Variants in LNPK observed in about 807,000 individuals in gnomAD.
LNPK encodes the protein endoplasmic reticulum junction formation protein lunapark.
Under a neutral mutation model 55.2 loss-of-function variants are expected in LNPK, and 29 were observed. That is an observed-to-expected ratio of 0.53 (90% CI 0.39 to 0.72). LNPK has a LOEUF of 0.72. Ranked by LOEUF, LNPK falls within the 30% of genes least tolerant of loss-of-function variation. The pLI is 0.00. For synonymous variants in LNPK, 162 were observed against 168.2 expected (o/e 0.96, Z 0.29); for missense variants, 467 against 494.8 (o/e 0.94, Z 0.53).
At chr2:175,967,208 T>G (rs946189202) in intron 6 of LNPK, among the ~76,000 whole-genome samples, 5 of 152,196 alleles carry the variant, frequency 3.3e-5, no homozygotes, top group African/African-American at 1.2e-4. Flanking sequence ...TGTTAAAGAA[T>G]GAATCATTTT....
At chr2:175,936,419 T>G (rs1335365710) in intron 12 of LNPK, among the ~76,000 whole-genome samples, 1 of 152,234 alleles carries the variant, frequency 6.6e-6, no homozygotes, top group Non-Finnish European at 1.5e-5. Context: ...AATGTTTTTA[T>G]GAAGAAAATA....
Position 175,939,461 on chromosome 2 carries a change from T to C in LNPK, c.812+91A>G, listed in dbSNP as rs548794597. ...TCCACTATGCTCTAAAGTCAGAAAA[T>C]AGGTGCCACAAAACTAAAACATCTA... On this transcript the variant is annotated intron_variant, in intron 10 of 12. Transcript: ENST00000272748. The C allele has an allele frequency of 8.9e-6, 5 of 564,220 alleles. No individual in the cohort carries two copies. In the South Asian group the frequency reaches 1.2e-4, roughly 13 times the overall value. 35.0% of individuals were successfully genotyped at this position (564,220 alleles called of 1,614,324 possible).
intron 1 of LNPK, 39 bp from the exon 2 acceptor site, chr2:175,995,685 A>T: frequency 1.1e-6 from 1 of 946,666 alleles, no homozygotes; most frequent in Non-Finnish European, 1.7e-6. Context: ...TAAGTTAAAC[A>T]CACAGCATAC....
At chr2:175,996,325 C>T (rs1206454840) in intron 1 of LNPK, among the ~76,000 whole-genome samples, 1 of 152,274 alleles carries the variant, frequency 6.6e-6, no homozygotes, top group East Asian at 1.9e-4. Context: ...TTTCTACTAT[C>T]CAGCTGTCTC....
chr2:175,984,028 A>C (rs546784628), intron 4 of LNPK, among the ~76,000 whole-genome samples: 20 of 152,188 alleles, frequency 1.3e-4, no homozygotes, highest in Admixed American at 4.6e-4. Context: ...TGACATGAAA[A>C]ACACAATTAA....
At chr2:175,969,679 C>T (rs1686561648) in intron 6 of LNPK, among the ~76,000 whole-genome samples, 1 of 152,180 alleles carries the variant, frequency 6.6e-6, no homozygotes, top group Non-Finnish European at 1.5e-5. Context: ...TCACTGACAC[C>T]ATCAGTATTT....
chr2:175,967,192 CGTTA>C (rs1686405859), intron 6 of LNPK, among the ~76,000 whole-genome samples: 1 of 151,978 alleles, frequency 6.6e-6, no homozygotes, highest in African/African-American at 2.4e-5. Context: ...CATCAGCTAT[CGTTA>C]GTGTTAAAGA....
chr2:175,929,895 T>A lies in LNPK; in HGVS notation c.*72A>T. The A allele has an allele frequency of 6.3e-7, 1 of 1,583,334 alleles. No individual in the cohort carries two copies. Among genetic ancestry groups the A allele is most frequent in the East Asian group, 2.3e-5 (1 of 44,420 alleles). On this transcript the variant is annotated 3_prime_UTR_variant, in exon 13 of 13. Transcript: ENST00000272748. ...CCCTTAGAGGGGCAAAAAAAGTAAGTGCCACCGAAAAAGCAATAACTGACA... is the reference window on the plus strand; with the variant it reads ...CCCTTAGAGGGGCAAAAAAAGTAAGAGCCACCGAAAAAGCAATAACTGACA...
chr2:175,976,253 C>T (rs1386576564), intron 5 of LNPK, among the ~76,000 whole-genome samples: 1 of 152,082 alleles, frequency 6.6e-6, no homozygotes, highest in African/African-American at 2.4e-5. Flanking sequence ...TAAAAACAGA[C>T]TAGTGAAGAA....
At chr2:175,980,342 G>C (rs1008630825) in intron 4 of LNPK, among the ~76,000 whole-genome samples, 16 of 152,128 alleles carry the variant, frequency 1.1e-4, no homozygotes, top group African/African-American at 3.6e-4. Context: ...TAGAGGGACA[G>C]TCTCTACTCT....
At chr2:176,000,398 G>C (rs888350990) in intron 1 of LNPK, among the ~76,000 whole-genome samples, 4 of 152,122 alleles carry the variant, frequency 2.6e-5, no homozygotes, top group East Asian at 1.9e-4. Context: ...CACAGTGTCC[G>C]ACACATAGTA....
chr2:175,962,941 A>G (rs1446154018), intron 8 of LNPK, among the ~76,000 whole-genome samples: 6 of 149,040 alleles, frequency 4.0e-5, no homozygotes, highest in African/African-American at 1.0e-4. Context: ...GCAGCCAAAA[A>G]ACACATGAAA....
chr2:175,982,768 A>C (rs1687232387), intron 4 of LNPK, among the ~76,000 whole-genome samples: 1 of 152,324 alleles, frequency 6.6e-6, no homozygotes, highest in South Asian at 2.1e-4. Context: ...ATCCCAACAA[A>C]GGTTTTGCTC....
intron 4 of LNPK, among the ~76,000 whole-genome samples, chr2:175,990,621 T>C (rs1687660182): frequency 6.6e-6 from 1 of 152,102 alleles, no homozygotes. Flanking sequence ...CATAAGAAAA[T>C]GTCCTGTGTT....
chr2:175,939,906 A>G lies in LNPK; in HGVS notation c.707-249T>C, dbSNP rs1301141932. On this transcript the variant is annotated intron_variant, in intron 9 of 12. Coordinates refer to ENST00000272748, the MANE Select transcript of LNPK (RefSeq NM_030650.3). ...AGTAGATTCTGTAGTAGATTCCTACATAACTACTAGCAAATAAAATTATGC... is the reference window on the plus strand; with the variant it reads ...AGTAGATTCTGTAGTAGATTCCTACGTAACTACTAGCAAATAAAATTATGC... 3.3e-5 allele frequency among the ~76,000 whole-genome samples: 5 copies of G among 152,162 alleles called. No individual in the cohort carries two copies. The East Asian group carries it at 7.7e-4, about 24-fold the overall frequency.
chr2:175,947,097 A>G (rs1187359937), intron 9 of LNPK, among the ~76,000 whole-genome samples: 3 of 152,208 alleles, frequency 2.0e-5, no homozygotes, highest in Non-Finnish European at 2.9e-5. Context: ...GTTTAAAAAT[A>G]TATGTATGGA....
intron 11 of LNPK, among the ~76,000 whole-genome samples, chr2:175,938,084 T>G (rs971110813): frequency 6.6e-6 from 1 of 152,150 alleles, no homozygotes; most frequent in African/African-American, 2.4e-5. Context: ...TTTGGGTGAT[T>G]GTGATGCACA....
At chr2:175,931,179 C>T (rs79896833) in intron 12 of LNPK, among the ~76,000 whole-genome samples, 1,929 of 152,092 alleles carry the variant, frequency 0.013, 13 homozygotes, top group Middle Eastern at 0.031. Context: ...ATGGCCAAAC[C>T]ATATCAGTTG....
Position 175,929,876 on chromosome 2 carries a change from GA to G in LNPK, c.*90del, listed in dbSNP as rs1405860690. On this transcript the variant is annotated 3_prime_UTR_variant, in exon 13 of 13. Transcript: ENST00000272748. ...CAAATGATACACAAGCATACCCTTA[GA>G]GGGGCAAAAAAAGTAAGTGCCACCG... is the stretch of plus-strand genomic sequence containing the variant. The G allele has an allele frequency of 1.9e-6, 3 of 1,558,118 alleles. No individual in the cohort carries two copies. In the African/African-American group the frequency reaches 4.1e-5, roughly 21 times the overall value.
Sources: gnomAD v4.1 joint callset for allele counts (sites outside exome capture counted in the v4.1 genomes callset) on GRCh38, gnomAD v4.1.1 for gene constraint, MANE v1.5 for transcripts, NCBI Gene and HGNC (gene_info 2026-07-23, HGNC 2026-07-21) for gene names.